The following ERG variants were observed in gnomAD, a reference collection of about 807,000 sequenced individuals.
ERG encodes ETS transcription factor ERG.
In ERG, 9 loss-of-function variants were observed where a neutral mutation model predicts 55.3. The observed-to-expected ratio is 0.16, with a 90% CI of 0.10 to 0.28. ERG has a LOEUF of 0.28. Among genes scored for constraint, ERG ranks in the 10% least tolerant of loss-of-function variants. The pLI is 1.00. For missense variants in ERG, 434 were observed against 631.6 expected (o/e 0.69, Z 3.35); for synonymous variants, 223 against 237.3 (o/e 0.94, Z 0.55).
chr21:38,542,886 T>C (rs752648216), intron 2 of ERG, among the ~76,000 whole-genome samples: 2 of 152,250 alleles, frequency 1.3e-5, no homozygotes, highest in Non-Finnish European at 2.9e-5. Flanking sequence ...TGTTTAAAAC[T>C]GCCTTAAAGG....
At chr21:38,442,276 C>A (rs1246899303) in intron 2 of ERG, among the ~76,000 whole-genome samples, 1 of 152,092 alleles carries the variant, frequency 6.6e-6, no homozygotes, top group Non-Finnish European at 1.5e-5. Context: ...TGCCTGTAAT[C>A]CCAGCTACTC....
At chr21:38,410,395 A>G (rs1988989246) in intron 3 of ERG, among the ~76,000 whole-genome samples, 1 of 152,234 alleles carries the variant, frequency 6.6e-6, no homozygotes, top group African/African-American at 2.4e-5. Context: ...CTGTCATGGC[A>G]CAGGCTAAAC....
At chr21:38,617,395 T>C (rs2060265226) in intron 1 of ERG, among the ~76,000 whole-genome samples, 1 of 152,206 alleles carries the variant, frequency 6.6e-6, no homozygotes, top group Non-Finnish European at 1.5e-5. Flanking sequence ...AGCCTCTCCC[T>C]TAACCACATG....
At chr21:38,396,287 C>T (rs915606412) in intron 6 of ERG, among the ~76,000 whole-genome samples, 6 of 152,198 alleles carry the variant, frequency 3.9e-5, no homozygotes, top group South Asian at 2.1e-4. Context: ...ATTTTGCATT[C>T]CCTTCTTGCC....
chr21:38,417,764 G>A (rs1431122054), intron 3 of ERG, among the ~76,000 whole-genome samples: 1 of 151,946 alleles, frequency 6.6e-6, no homozygotes, highest in Admixed American at 6.6e-5. Context: ...ACTCCAGCCT[G>A]GGCAACAGAG....
chr21:38,390,415 C>T (rs541110172), intron 9 of ERG, among the ~76,000 whole-genome samples: 17 of 152,196 alleles, frequency 1.1e-4, no homozygotes, highest in Non-Finnish European at 2.1e-4. Context: ...AATCTTAACC[C>T]GCAGTATCTA....
At chr21:38,464,595 T>G (rs1343133661) in intron 1 of ERG, among the ~76,000 whole-genome samples, 1 of 152,226 alleles carries the variant, frequency 6.6e-6, no homozygotes, top group Non-Finnish European at 1.5e-5. Flanking sequence ...CTTTAAGTTC[T>G]GGGGTACATG....
chr21:38,580,086 C>T (rs1245962308), intron 1 of ERG, among the ~76,000 whole-genome samples: 1 of 152,174 alleles, frequency 6.6e-6, no homozygotes, highest in Non-Finnish European at 1.5e-5. Flanking sequence ...TCCCAAAGCA[C>T]TGGGATTACA....
At chr21:38,570,127 G>C (rs2059948480) in intron 2 of ERG, among the ~76,000 whole-genome samples, 1 of 152,206 alleles carries the variant, frequency 6.6e-6, no homozygotes. Flanking sequence ...GTAACACCAA[G>C]CCAATACAAA....
intron 1 of ERG, among the ~76,000 whole-genome samples, chr21:38,473,714 T>C (rs1242174796): frequency 6.6e-6 from 1 of 151,862 alleles, no homozygotes; most frequent in African/African-American, 2.4e-5. Flanking sequence ...GTTAAATGTA[T>C]GGTACAGATA....
Position 38,435,952 on chromosome 21 carries a change from G to A in ERG, c.236+9452C>T, listed in dbSNP as rs1990422261. ...AAGGATTGAGCCCAATAGCCAGTAT[G>A]GTGCTTCATGTTTTTATAACAGGCC... On this transcript the variant is annotated intron_variant, in intron 2 of 9. Transcript: ENST00000288319. 2.6e-5 allele frequency among the ~76,000 whole-genome samples: 4 copies of A among 152,004 alleles called. No homozygotes were observed. In the South Asian group the frequency reaches 8.3e-4, roughly 32 times the overall value.
chr21:38,515,160 T>C (rs190895778), intron 2 of ERG, among the ~76,000 whole-genome samples: 225 of 152,072 alleles, frequency 1.5e-3, no homozygotes, highest in African/African-American at 5.3e-3. Context: ...AATTGATCAA[T>C]AGATTCAATG....
chr21:38,415,887 T>C (rs1440804423), intron 3 of ERG, among the ~76,000 whole-genome samples: 1 of 152,144 alleles, frequency 6.6e-6, no homozygotes, highest in East Asian at 1.9e-4. Flanking sequence ...GGCTGTGTTG[T>C]CTGGCGATTG....
chr21:38,455,016 C>T (rs1417181111), intron 1 of ERG, among the ~76,000 whole-genome samples: 2 of 152,078 alleles, frequency 1.3e-5, no homozygotes, highest in African/African-American at 4.8e-5. Flanking sequence ...GGTACACTCC[C>T]CAGCGTGCTG....
chr21:38,417,258 G>A (rs1019348835), intron 3 of ERG, among the ~76,000 whole-genome samples: 1 of 152,160 alleles, frequency 6.6e-6, no homozygotes, highest in African/African-American at 2.4e-5. Flanking sequence ...GGCAAGAAAA[G>A]GTGATTTTAA....
At chr21:38,432,878 C>G (rs543273338) in intron 2 of ERG, among the ~76,000 whole-genome samples, 87 of 152,236 alleles carry the variant, frequency 5.7e-4, no homozygotes, top group African/African-American at 2.0e-3. Flanking sequence ...TTTCATAGAC[C>G]TAAAGCACCA....
rs754230664 is a variant in ERG, at chr21:38,383,637, G to A, written c.1206C>T (p.His402=). 1.2e-6 allele frequency: 2 copies of A among 1,614,116 alleles called. No homozygotes were observed. Among genetic ancestry groups the A allele is most frequent in the Admixed American group, 1.7e-5 (1 of 60,028 alleles). Residue 402 remains histidine, a synonymous_variant, in exon 10 of 10, where the codon CAC becomes CAT. Coordinates refer to ENST00000288319, the MANE Select transcript of ERG (RefSeq NM_182918.4). The surrounding 1 kb of genome is among the most constrained non-coding windows in gnomAD (Gnocchi z 5.7). ...ACTTGTACAGAGATGACTCCGGGGG[G>A]TGGGGCTGGAGGGCCTGGGCGATCC... The part of the protein sequence containing the change: ...FHGIAQALQP[H]PPESSLYKYP...
the ERG span, among the ~76,000 whole-genome samples, chr21:38,371,541 A>G: frequency 3.7e-4 from 56 of 152,164 alleles, no homozygotes; most frequent in Admixed American, 2.4e-3. Context: ...CAAGTTAAAG[A>G]AGTCATATTC....
chr21:38,532,273 T>C (rs1477287516), intron 2 of ERG, among the ~76,000 whole-genome samples: 6 of 152,116 alleles, frequency 3.9e-5, no homozygotes, highest in African/African-American at 9.7e-5. Flanking sequence ...CTGGATTCTT[T>C]TGAGTTGCAA....
Sources: gnomAD v4.1 joint callset for allele counts (sites outside exome capture counted in the v4.1 genomes callset) on GRCh38, gnomAD v4.1.1 for gene constraint, Gnocchi (gnomAD v3.1) non-coding constraint, MANE v1.5 for transcripts, NCBI Gene and HGNC (gene_info 2026-07-23, HGNC 2026-07-21) for gene names.